The following SPTA1 variants were observed in gnomAD, a reference collection of about 807,000 sequenced individuals.
The protein encoded by SPTA1 is spectrin alpha chain, erythrocytic 1.
SPTA1 carries 177 observed loss-of-function variants against 324.7 expected under a neutral mutation model. That is an observed-to-expected ratio of 0.55 (90% confidence interval 0.48 to 0.62). The LOEUF (loss-of-function observed/expected upper bound fraction) is 0.62. SPTA1 is among the 20% of genes least tolerant of loss of function. The probability of loss-of-function intolerance (pLI) is 0.00; values close to 1 mark genes in which losing one functional copy is unlikely to be tolerated. For synonymous variants in SPTA1, 1,195 were observed against 1,041.3 expected (o/e 1.15, Z -2.84); for missense variants, 3,162 against 2,883.6 (o/e 1.10, Z -2.21).
chr1:158,664,005 A>C (rs1165005847), intron 16 of SPTA1, among the ~76,000 whole-genome samples: 1 of 152,074 alleles, frequency 6.6e-6, no homozygotes, highest in South Asian at 2.1e-4. Context: ...AATATGGACT[A>C]TCAGTAACTT....
At chr1:158,637,940 G>T in intron 36 of SPTA1, 93 bp downstream of exon 36, 1 of 1,402,554 alleles carries the variant, frequency 7.1e-7, no homozygotes, top group Non-Finnish European at 1.0e-6. Flanking sequence ...CAAGAAACAA[G>T]TACAAATTTC....
chr1:158,618,116 A>G, intron 45 of SPTA1, 60 bp from the exon 46 acceptor site: 1 of 1,494,818 alleles, frequency 6.7e-7, no homozygotes, highest in Non-Finnish European at 9.3e-7. Flanking sequence ...ATATGTTAAA[A>G]TGGATTACTT....
At position 158,685,246 on chromosome 1, in the gene SPTA1, G is replaced by A. The variant is rs435080; in HGVS notation, c.126C>T (p.Val42=). 1 allele frequency: 1,605,912 copies of A among 1,613,794 alleles called. 799,329 individuals are homozygous for A. Among genetic ancestry groups the A allele is most frequent in the East Asian group, 1 (44,854 of 44,854 alleles). Residue 42 remains valine (V), a synonymous_variant, in exon 2 of 52, where the codon GTC becomes GTT. Coordinates refer to ENST00000643759, the MANE Select transcript of SPTA1 (RefSeq NM_003126.4). Reference sequence around the variant, plus strand: ...CCTCAAGCTTCTGACCCCTCTCAGCGACCCGCTCCTTGAAACTTTGATACC... The same window carrying A: ...CCTCAAGCTTCTGACCCCTCTCAGCAACCCGCTCCTTGAAACTTTGATACC... The part of the protein sequence containing the change: ...LTRYQSFKER[V]AERGQKLEDS...
rs747389050 is a variant in SPTA1 at position 158,619,303 on chromosome 1, G to T, written c.6449C>A (p.Ala2150Glu). 3.7e-6 allele frequency: 6 copies of T among 1,614,098 alleles called. No homozygotes were observed. The South Asian group carries it at 5.5e-5, about 15-fold the overall frequency. The change falls in exon 45 of 52, where the codon GCA becomes GAA. Residue 2150 changes from alanine to glutamate, a missense_variant. Ala to Glu is a moderately radical substitution (Grantham distance 107). Coordinates refer to ENST00000643759, the MANE Select transcript of SPTA1 (RefSeq NM_003126.4). ...EREQELQKEEARQVKNFEMCQ... is the reference protein window; with the variant it reads ...EREQELQKEEERQVKNFEMCQ... ...CATCTCAAAGTTCTTGACCTGTCTT[G>T]CCTCTTCCTTTTGCAGCTCCTGCTC... is the stretch of plus-strand genomic sequence containing the variant.
chr1:158,638,824 G>A (rs945929275), intron 35 of SPTA1, among the ~76,000 whole-genome samples: 5 of 147,110 alleles, frequency 3.4e-5, no homozygotes, highest in Non-Finnish European at 7.5e-5. Flanking sequence ...TACTGACTTT[G>A]ATAGCCACAG....
intron 25 of SPTA1, 115 bp from the exon 26 acceptor site, chr1:158,648,768 C>G: frequency 1.9e-6 from 2 of 1,063,668 alleles, no homozygotes; most frequent in Non-Finnish European, 1.4e-6. Flanking sequence ...ACCCACCCCC[C>G]CACCCCAACC....
rs566808465 is a variant in SPTA1 at position 158,630,997 on chromosome 1, G to T, written c.5566-3274C>A. On this transcript the variant is annotated intron_variant, in intron 39 of 51. Transcript: ENST00000643759. ...AATAATAGATATCGGTGTGGATGTG[G>T]TAAACGGGACACTCTTACACTGCTG... Among the ~76,000 whole-genome samples, 6 of 152,166 alleles carry T rather than the reference G, an allele frequency of 3.9e-5. No individual in the cohort carries two copies. The South Asian group carries it at 1.2e-3, about 32-fold the overall frequency.
At position 158,623,150 on chromosome 1, in the gene SPTA1, G is replaced by A. The variant is rs1650030844; in HGVS notation, c.5953C>T (p.Leu1985Phe). 5.6e-6 allele frequency: 9 copies of A among 1,614,000 alleles called. No homozygotes were observed. The highest frequency in any genetic ancestry group is 6.8e-6 in the Non-Finnish European group (8 of 1,180,034). Residue 1985 changes from leucine to phenylalanine, a missense_variant, in exon 43 of 52, where the codon CTT becomes TTT. Physicochemically the swap from Leu to Phe is conservative, Grantham distance 22 (BLOSUM62 0). Coordinates refer to ENST00000643759, the MANE Select transcript of SPTA1 (RefSeq NM_003126.4). Reference protein sequence around the residue: ...ASLQSFQQERLPEITDLKDKL... With the variant: ...ASLQSFQQERFPEITDLKDKL... ...TCCTTCAGGTCAGTGATCTCGGGAA[G>A]TCTCTCTTGCTGGAAACTCTGCAGA...
In SPTA1 at chr1:158,674,764, T is replaced by C. The variant is rs956012001; in HGVS notation, c.1113-89A>G. On this transcript the variant is annotated intron_variant, in intron 8 of 51. Transcript: ENST00000643759. ...GATTTAGGTTTGGGGTGAGGTAAGA[T>C]GTGTGAGATGCTCCTTACTCTAATC... is the stretch of plus-strand genomic sequence containing the variant. 3.4e-5 allele frequency: 51 copies of C among 1,521,714 alleles called. No homozygotes were observed. In the South Asian group the frequency reaches 3.7e-4, roughly 11 times the overall value. 94.3% of individuals were successfully genotyped at this position (1,521,714 alleles called of 1,614,324 possible). A position where few individuals can be genotyped will look rare whatever the true frequency, so the allele number is the denominator to read the frequency against.
chr1:158,674,739 G>A, intron 8 of SPTA1, 64 bp from the exon 9 acceptor site: 1 of 1,603,112 alleles, frequency 6.2e-7, no homozygotes, highest in East Asian at 2.2e-5. Flanking sequence ...ATTGAACAAA[G>A]ATTTAGGTTT....
chr1:158,668,145 A>C, intron 14 of SPTA1, 83 bp from the exon 15 acceptor site: 1 of 1,429,330 alleles, frequency 7.0e-7, no homozygotes. Context: ...GTTACTTCTC[A>C]CTATAAATCT....
At chr1:158,627,113 C>T in intron 40 of SPTA1, 106 bp from the exon 41 acceptor site, 1 of 1,422,724 alleles carries the variant, frequency 7.0e-7, no homozygotes, top group East Asian at 2.3e-5. Context: ...AAATATATAA[C>T]CAAGTGTGAC....
intron 3 of SPTA1, among the ~76,000 whole-genome samples, chr1:158,682,392 A>G (rs1654878411): frequency 6.6e-6 from 1 of 152,208 alleles, no homozygotes; most frequent in South Asian, 2.1e-4. Context: ...AAGATGTTTC[A>G]AACATTTCTC....
rs142587663 is a variant in SPTA1, at chr1:158,623,216, C to T, written c.5911-24G>A. On this transcript the variant is annotated intron_variant, in intron 42 of 51. Transcript: ENST00000643759. ...TCCTGAGAAAGATCAGGAGAGAGGC[C>T]GTGAACAAGAAAATGGTGCAAGGGT... 39 of 1,606,268 alleles carry T rather than the reference C, an allele frequency of 2.4e-5. No homozygotes were observed. The East Asian group carries it at 4.5e-4, about 18-fold the overall frequency.
intron 38 of SPTA1, among the ~76,000 whole-genome samples, chr1:158,635,096 A>G (rs1650973729): frequency 6.6e-6 from 1 of 152,156 alleles, no homozygotes; most frequent in Non-Finnish European, 1.5e-5. Flanking sequence ...GGAAAAATGG[A>G]ACTACAGACA....
At position 158,676,168 on chromosome 1, in the gene SPTA1, C is replaced by T. The variant is rs201026759; in HGVS notation, c.1085G>A (p.Arg362Lys). 6.2e-7 allele frequency: 1 copy of T among 1,613,670 alleles called. No homozygotes were observed. The highest frequency in any genetic ancestry group is 1.7e-4 in the Middle Eastern group (1 of 6,014). The change falls in exon 8 of 52, where the codon AGA (arginine) becomes AAA (lysine). Residue 362 changes from arginine (R) to lysine (K), a missense_variant. Coordinates refer to ENST00000643759, the MANE Select transcript of SPTA1 (RefSeq NM_003126.4). ...ATAAGTAGCCTGCAGTTTTTCATAT[C>T]TGCTGGTGGCCAGGGCACGAATATG... ...WEHIRALATS[R>K]YEKLQATYWY... is the part of the protein sequence containing the mutation.
chr1:158,635,747 T>C (rs757841810), intron 38 of SPTA1, among the ~76,000 whole-genome samples, 166 bp downstream of exon 38: 7 of 152,240 alleles, frequency 4.6e-5, no homozygotes, highest in Non-Finnish European at 8.8e-5. Flanking sequence ...CTGGGGTATA[T>C]GGAGGAAAGC....
Position 158,669,689 on chromosome 1 carries a change from C to T in SPTA1, c.1677+20G>A. On this transcript the variant is annotated intron_variant, in intron 13 of 51. Coordinates refer to ENST00000643759, the MANE Select transcript of SPTA1 (RefSeq NM_003126.4). ...ATTCTAGTGTGTAGGCACACAGAAG[C>T]TCTAGGCCCTTGGACATACCCCGTC... The T allele has an allele frequency of 6.2e-7, 1 of 1,614,104 alleles. No individual in the cohort carries two copies. Among genetic ancestry groups the T allele is most frequent in the Non-Finnish European group, 8.5e-7 (1 of 1,179,970 alleles).
chr1:158,674,366 T>C lies in SPTA1; in HGVS notation c.1313A>G (p.Asn438Ser). 1 of 1,614,120 alleles carries C rather than the reference T, an allele frequency of 6.2e-7. No homozygotes were observed. Among genetic ancestry groups the C allele is most frequent in the Non-Finnish European group, 8.5e-7 (1 of 1,179,966 alleles). The change falls in exon 10 of 52, where the codon AAT becomes AGT. Residue 438 changes from asparagine to serine, a missense_variant. Transcript: ENST00000643759. Reference protein sequence around the residue: ...SADETGQDLVNANHEASDEVR... With the variant: ...SADETGQDLVSANHEASDEVR... Reference sequence around the variant, plus strand: ...TTCATCAGAGGCTTCATGATTGGCATTCACGAGGTCTTGACCAGTCTCATC... The same window carrying C: ...TTCATCAGAGGCTTCATGATTGGCACTCACGAGGTCTTGACCAGTCTCATC...
Sources: gnomAD v4.1 joint callset for allele counts (sites outside exome capture counted in the v4.1 genomes callset) on GRCh38, gnomAD v4.1.1 for gene constraint, MANE v1.5 for transcripts, NCBI Gene and HGNC (gene_info 2026-07-23, HGNC 2026-07-21) for gene names.